Variants in CASR observed in about 807,000 individuals in gnomAD.
CASR encodes the protein extracellular calcium-sensing receptor.
A neutral mutation model predicts 69.1 loss-of-function variants in CASR; 23 were observed. The ratio of observed to expected loss-of-function variants is 0.33; its 90% CI spans 0.24 to 0.47. The LOEUF (loss-of-function observed/expected upper bound fraction) is 0.47, where lower values mean the gene tolerates loss of function less well. Among genes scored for constraint, CASR ranks in the 20% least tolerant of loss-of-function variants. The probability of loss-of-function intolerance (pLI) is 1.00; values close to 1 mark genes in which losing one functional copy is unlikely to be tolerated. For missense variants in CASR, 924 were observed against 1,356.1 expected (o/e 0.68, Z 5.00); for synonymous variants, 541 against 544.7 (o/e 0.99, Z 0.10).
chr3:122,216,979 G>A (rs3845917), intron 1 of CASR, among the ~76,000 whole-genome samples: 110,291 of 152,164 alleles, frequency 0.72, 40,217 homozygotes, highest in Admixed American at 0.82. Flanking sequence ...TGAACATACA[G>A]TGGTGAACTA....
intron 1 of CASR, among the ~76,000 whole-genome samples, chr3:122,234,147 T>G (rs912839420): frequency 5.3e-5 from 8 of 152,224 alleles, no homozygotes; most frequent in Non-Finnish European, 1.2e-4. Flanking sequence ...AAGTAGGGTT[T>G]TCTTTGTGCT....
At chr3:122,185,580 A>T (rs1305337430) in intron 1 of CASR, among the ~76,000 whole-genome samples, 1 of 152,244 alleles carries the variant, frequency 6.6e-6, no homozygotes, top group Non-Finnish European at 1.5e-5. Context: ...TACTGAGAGA[A>T]ATAATGCAGG....
intron 1 of CASR, among the ~76,000 whole-genome samples, chr3:122,203,282 A>G (rs1482631072): frequency 6.6e-6 from 1 of 152,228 alleles, no homozygotes; most frequent in Non-Finnish European, 1.5e-5. Flanking sequence ...TGAACACAGG[A>G]GAGACAGTCA....
chr3:122,195,284 C>T (rs1429690005), intron 1 of CASR, among the ~76,000 whole-genome samples: 1 of 152,226 alleles, frequency 6.6e-6, no homozygotes, highest in Non-Finnish European at 1.5e-5. Context: ...TCCTCCCCAT[C>T]CATTTAGTTC....
intron 1 of CASR, among the ~76,000 whole-genome samples, chr3:122,243,946 T>C (rs1470881635): frequency 6.6e-6 from 1 of 152,168 alleles, no homozygotes; most frequent in Non-Finnish European, 1.5e-5. Context: ...TTGCATGTTC[T>C]AACTTATTTG....
chr3:122,231,423 T>C (rs989161175), intron 1 of CASR, among the ~76,000 whole-genome samples: 23 of 152,208 alleles, frequency 1.5e-4, no homozygotes, highest in Admixed American at 6.5e-5. Context: ...AGCTAATGTT[T>C]TTTGAGCATT....
chr3:122,212,708 C>G (rs1405479813), intron 1 of CASR, among the ~76,000 whole-genome samples: 1 of 150,046 alleles, frequency 6.7e-6, no homozygotes, highest in East Asian at 1.9e-4. Flanking sequence ...ATGGCGCGAT[C>G]TCGGCTCACC....
intron 1 of CASR, among the ~76,000 whole-genome samples, chr3:122,242,482 A>T (rs1327866432): frequency 6.6e-6 from 1 of 152,132 alleles, no homozygotes; most frequent in Non-Finnish European, 1.5e-5. Context: ...GAAGTGAAAG[A>T]TCTCTACAAT....
chr3:122,269,106 C>T (rs1019357178), intron 4 of CASR, among the ~76,000 whole-genome samples: 3 of 152,114 alleles, frequency 2.0e-5, no homozygotes, highest in Admixed American at 2.0e-4. Flanking sequence ...AATAAATATG[C>T]CTAAAAGAAG....
intron 1 of CASR, among the ~76,000 whole-genome samples, chr3:122,252,421 G>GAAAGAA (rs1559954311): frequency 2.3e-5 from 1 of 43,040 alleles, no homozygotes; most frequent in Admixed American, 2.3e-4. Flanking sequence ...AAGAAAGAAA[G>GAAAGAA]AAAGAAAGAA....
intron 1 of CASR, among the ~76,000 whole-genome samples, chr3:122,197,119 A>G (rs1199140753): frequency 6.6e-6 from 1 of 152,150 alleles, no homozygotes; most frequent in Non-Finnish European, 1.5e-5. Context: ...TTGGACTTCC[A>G]TCTTGGGCAT....
chr3:122,186,681 T>G (rs2073787916), intron 1 of CASR, among the ~76,000 whole-genome samples: 1 of 152,178 alleles, frequency 6.6e-6, no homozygotes, highest in Non-Finnish European at 1.5e-5. Flanking sequence ...AGAAACGAAG[T>G]TCTTTGAGGG....
chr3:122,188,497 G>A (rs187809708), intron 1 of CASR, among the ~76,000 whole-genome samples: 8 of 146,774 alleles, frequency 5.5e-5, no homozygotes, highest in Admixed American at 1.3e-4. Flanking sequence ...CTTCATGATC[G>A]GTACCAAAAA....
At chr3:122,198,810 A>T (rs911658597) in intron 1 of CASR, among the ~76,000 whole-genome samples, 1 of 150,616 alleles carries the variant, frequency 6.6e-6, no homozygotes, top group African/African-American at 2.5e-5. Context: ...ACTAGAGATA[A>T]TATGTTTTAT....
At chr3:122,273,938 G>A (rs964843930) in intron 4 of CASR, among the ~76,000 whole-genome samples, 8 of 152,126 alleles carry the variant, frequency 5.3e-5, no homozygotes, top group African/African-American at 1.2e-4. Flanking sequence ...GATAGGAAGC[G>A]GAGGTGGAGG....
chr3:122,255,330 A>AG lies in CASR; in HGVS notation c.185+959dup, dbSNP rs1251983136. Among the ~76,000 whole-genome samples, 3 of 152,224 alleles carry AG rather than the reference A, an allele frequency of 2.0e-5. No individual in the cohort carries two copies. The East Asian group carries it at 5.8e-4, about 29-fold the overall frequency. ...TCTAGAGAGACTTGCAACTTCCAGAAGGGATCCAGCACTTTTCCTTGCTCT... is the reference window on the plus strand; with the variant it reads ...TCTAGAGAGACTTGCAACTTCCAGAAGGGGATCCAGCACTTTTCCTTGCTCT... On this transcript the variant is annotated intron_variant, in intron 2 of 6. Transcript: ENST00000639785.
At chr3:122,239,741 G>A (rs981154001) in intron 1 of CASR, among the ~76,000 whole-genome samples, 2 of 152,182 alleles carry the variant, frequency 1.3e-5, no homozygotes, top group Non-Finnish European at 2.9e-5. Context: ...TGTTTGTTTT[G>A]GAGGAAGTAA....
chr3:122,231,047 C>CT (rs1310371086), intron 1 of CASR, among the ~76,000 whole-genome samples: 2 of 152,156 alleles, frequency 1.3e-5, no homozygotes, highest in Non-Finnish European at 1.5e-5. Context: ...ATTTTTGCAG[C>CT]TTTTTGAGGG....
At chr3:122,263,578 A>T (rs1395353068) in intron 4 of CASR, among the ~76,000 whole-genome samples, 1 of 152,214 alleles carries the variant, frequency 6.6e-6, no homozygotes, top group Admixed American at 6.5e-5. Context: ...TTTGGGAAGG[A>T]TACCAAGAAG....
Sources: allele counts gnomAD v4.1 joint callset (sites outside exome capture counted in the v4.1 genomes callset), GRCh38; gene constraint gnomAD v4.1.1; transcripts MANE v1.5; gene names NCBI Gene and HGNC (gene_info 2026-07-23, HGNC 2026-07-21).